Variants in VPS39 observed in about 807,000 individuals in gnomAD.
VPS39 encodes VPS39 subunit of HOPS complex.
A neutral mutation model predicts 121.0 loss-of-function variants in VPS39; 70 were observed. That is an observed-to-expected ratio of 0.58 (90% CI 0.48 to 0.71). The LOEUF (loss-of-function observed/expected upper bound fraction) is 0.71. VPS39 is among the 30% of genes least tolerant of loss of function. The pLI, the probability that VPS39 is intolerant of heterozygous loss-of-function variation, is 0.00. For synonymous variants in VPS39, 378 were observed against 398.1 expected, an observed-to-expected ratio of 0.95 and a Z score of 0.60; for missense variants, 818 against 1,051.5, an observed-to-expected ratio of 0.78 and a Z score of 3.07.
intron 1 of VPS39, among the ~76,000 whole-genome samples, chr15:42,204,634 A>G (rs1413903988): frequency 6.6e-6 from 1 of 152,202 alleles, no homozygotes; most frequent in Non-Finnish European, 1.5e-5. Context: ...TGGGCGACAG[A>G]GCGAGACTCA....
intron 2 of VPS39, among the ~76,000 whole-genome samples, chr15:42,193,682 A>AC: frequency 6.6e-6 from 1 of 151,968 alleles, no homozygotes; most frequent in Non-Finnish European, 1.5e-5. Flanking sequence ...CATTATTATC[A>AC]CCCCCAATCT....
intron 2 of VPS39, among the ~76,000 whole-genome samples, chr15:42,194,552 G>A (rs2049894756): frequency 6.6e-6 from 1 of 152,174 alleles, no homozygotes; most frequent in Non-Finnish European, 1.5e-5. Context: ...TGGGCAAGAA[G>A]AGACAACTCA....
At chr15:42,189,048 G>T in intron 5 of VPS39, 66 bp downstream of exon 5, 2 of 1,115,700 alleles carry the variant, frequency 1.8e-6, no homozygotes. Context: ...TCTAATGGTA[G>T]GAATGATGTA....
intron 22 of VPS39, 38 bp downstream of exon 22, chr15:42,162,294 T>C: frequency 6.3e-7 from 1 of 1,598,926 alleles, no homozygotes; most frequent in East Asian, 2.2e-5. Context: ...CGGTGCTCCC[T>C]GCAAACACCC....
At position 42,173,676 on chromosome 15, in the gene VPS39, TC is replaced by T. The variant is rs763065637; in HGVS notation, c.1090+46del. ...TCATTTCTCCCCATACTTTTCAGGC[TC>T]CCCTCCTCCATTAGTCCCTTATATA... On this transcript the variant is annotated intron_variant, in intron 11 of 24. Transcript: ENST00000318006. 76 of 1,589,476 alleles carry T rather than the reference TC, an allele frequency of 4.8e-5. No individual in the cohort carries two copies. The African/African-American group carries it at 1.0e-3, about 21-fold the overall frequency.
rs146377094 is a variant in VPS39 at position 42,198,401 on chromosome 15, A to T, written c.139+1495T>A. Among the ~76,000 whole-genome samples the T allele has an allele frequency of 7.8e-3, 1,189 of 152,278 alleles. 13 individuals carry two copies. The highest frequency in any genetic ancestry group is 0.027 in the African/African-American group (1,136 of 41,542). On this transcript the variant is annotated intron_variant, in intron 2 of 24. Coordinates refer to ENST00000318006, the MANE Select transcript of VPS39 (RefSeq NM_015289.5). Reference sequence around the variant, plus strand: ...AGACAAAGTCTGTTGCTGAGGCTGGAGAGCAATGGTGTGATCATAGCTCAC... The same window carrying T: ...AGACAAAGTCTGTTGCTGAGGCTGGTGAGCAATGGTGTGATCATAGCTCAC...
In VPS39 at chr15:42,162,073, T is replaced by C; in HGVS notation, c.2419A>G (p.Asn807Asp). The change falls in exon 23 of 25, where the codon AAT becomes GAT. Residue 807 changes from asparagine (N) to aspartate (D), a missense_variant. Coordinates refer to ENST00000318006, the MANE Select transcript of VPS39 (RefSeq NM_015289.5). Reference sequence around the variant, plus strand: ...TGGAGAAGGTTCTTGAGCACTTGATTGAACCGTTTCTTTTGTGCATTTTCT... The same window carrying C: ...TGGAGAAGGTTCTTGAGCACTTGATCGAACCGTTTCTTTTGTGCATTTTCT... Reference protein sequence around the residue: ...LEENAQKKRFNQVLKNLLHAE... With the variant: ...LEENAQKKRFDQVLKNLLHAE... The C allele has an allele frequency of 1.2e-6, 2 of 1,614,210 alleles. No homozygotes were observed. The highest frequency in any genetic ancestry group is 8.5e-7 in the Non-Finnish European group (1 of 1,180,032).
intron 1 of VPS39, among the ~76,000 whole-genome samples, chr15:42,203,096 C>T (rs2050099740): frequency 6.6e-6 from 1 of 151,872 alleles, no homozygotes; most frequent in Non-Finnish European, 1.5e-5. Flanking sequence ...GCACGGAGGC[C>T]GAAGTGGGCG....
In VPS39 at chr15:42,199,901, T is replaced by C. The variant is rs762531658; in HGVS notation, c.134A>G (p.Asp45Gly). The C allele has an allele frequency of 1.3e-6, 2 of 1,591,810 alleles. No homozygotes were observed. Among genetic ancestry groups the C allele is most frequent in the East Asian group, 4.6e-5 (2 of 43,806 alleles). Residue 45 changes from aspartate to glycine, a missense_variant, in exon 2 of 25, where the codon GAC (aspartate) becomes GGC (glycine). Asp to Gly is a moderately conservative substitution (Grantham distance 94, BLOSUM62 -1). Coordinates refer to ENST00000318006, the MANE Select transcript of VPS39 (RefSeq NM_015289.5). ...GHLLLYRIRK[D>G]VGCNRFEVTL... ...CATGAGCAATGTGCACTTACCAACG[T>C]CCTTCCGAATCCTATAGAGAAGAAG...
At chr15:42,200,824 G>C (rs2050051216) in intron 1 of VPS39, among the ~76,000 whole-genome samples, 1 of 152,198 alleles carries the variant, frequency 6.6e-6, no homozygotes, top group Non-Finnish European at 1.5e-5. Flanking sequence ...CTGATGAACG[G>C]ATAAACAAAA....
chr15:42,199,048 G>A (rs911866625), intron 2 of VPS39, among the ~76,000 whole-genome samples: 6 of 152,134 alleles, frequency 3.9e-5, no homozygotes, highest in Non-Finnish European at 7.3e-5. Context: ...CCACAAGAGA[G>A]CTCTATTTAT....
chr15:42,174,088 A>T (rs1369489388), intron 10 of VPS39, among the ~76,000 whole-genome samples: 2 of 152,132 alleles, frequency 1.3e-5, no homozygotes, highest in African/African-American at 2.4e-5. Context: ...TCTACTAAAA[A>T]TACAAAAAAT....
chr15:42,204,245 AGCT>A (rs1295053542), intron 1 of VPS39, among the ~76,000 whole-genome samples: 1 of 152,272 alleles, frequency 6.6e-6, no homozygotes, highest in African/African-American at 2.4e-5. Flanking sequence ...GCCCCCAATT[AGCT>A]GCATTAGAAT....
intron 11 of VPS39, among the ~76,000 whole-genome samples, chr15:42,173,366 T>C (rs1472393635): frequency 1.3e-5 from 2 of 152,232 alleles, no homozygotes; most frequent in Admixed American, 1.3e-4. Flanking sequence ...TTGGCTCTCA[T>C]AAATGATCTG....
intron 8 of VPS39, among the ~76,000 whole-genome samples, chr15:42,182,958 T>G (rs972820415): frequency 6.6e-6 from 1 of 152,184 alleles, no homozygotes; most frequent in Non-Finnish European, 1.5e-5. Flanking sequence ...CGGGAAAGCC[T>G]CTCATAAAGC....
In VPS39 at chr15:42,199,898, A is replaced by G; in HGVS notation, c.137T>C (p.Val46Ala). The change falls in exon 2 of 25, where the codon GTT (valine) becomes GCT (alanine). Residue 46 changes from valine to alanine, a missense_variant and splice_region_variant. Val to Ala is a moderately conservative substitution (Grantham distance 64, BLOSUM62 0). Transcript: ENST00000318006. Reference protein sequence around the residue: ...HLLLYRIRKDVGCNRFEVTLE... With the variant: ...HLLLYRIRKDAGCNRFEVTLE... ...TTGCATGAGCAATGTGCACTTACCA[A>G]CGTCCTTCCGAATCCTATAGAGAAG... 6.3e-7 allele frequency: 1 copy of G among 1,591,854 alleles called. No homozygotes were observed. Among genetic ancestry groups the G allele is most frequent in the Non-Finnish European group, 8.5e-7 (1 of 1,173,150 alleles).
chr15:42,173,946 C>T (rs2049396181), intron 10 of VPS39, 94 bp from the exon 11 acceptor site: 1 of 1,478,540 alleles, frequency 6.8e-7, no homozygotes, highest in African/African-American at 1.4e-5. Flanking sequence ...GAGCTACAGA[C>T]ACCAAAGTGT....
chr15:42,177,743 C>T (rs1314506209), intron 10 of VPS39, among the ~76,000 whole-genome samples: 3 of 151,952 alleles, frequency 2.0e-5, no homozygotes, highest in African/African-American at 7.3e-5. Context: ...CTTGGCTCAC[C>T]GCAACCTCTA....
rs746556652 is a variant in VPS39 at position 42,169,707 on chromosome 15, C to G, written c.1233+17G>C. 14 of 1,602,908 alleles carry G rather than the reference C, an allele frequency of 8.7e-6. No individual in the cohort carries two copies. Among genetic ancestry groups the G allele is most frequent in the Non-Finnish European group, 1.2e-5 (14 of 1,174,108 alleles). ...ACTCCCAGGCAAACTCTTTCACGCA[C>G]TCTGTACTATACCTACCTGTGTCAG... On this transcript the variant is annotated intron_variant, in intron 12 of 24. Coordinates refer to ENST00000318006, the MANE Select transcript of VPS39 (RefSeq NM_015289.5).
Sources: gnomAD v4.1 joint callset for allele counts (sites outside exome capture counted in the v4.1 genomes callset) on GRCh38, gnomAD v4.1.1 for gene constraint, MANE v1.5 for transcripts, NCBI Gene and HGNC (gene_info 2026-07-23, HGNC 2026-07-21) for gene names.